FAM117B: variants seen among roughly 807,000 people sequenced by gnomAD.
The protein encoded by FAM117B is protein FAM117B.
A neutral mutation model predicts 52.8 loss-of-function variants in FAM117B; 22 were observed. The ratio of observed to expected loss-of-function variants is 0.42; its 90% confidence interval spans 0.30 to 0.59. The LOEUF is 0.59. Ranked by LOEUF, FAM117B falls within the 20% of genes least tolerant of loss-of-function variation. The probability of loss-of-function intolerance (pLI) is 0.22; values close to 1 mark genes in which losing one functional copy is unlikely to be tolerated. For missense variants in FAM117B, 678 were observed against 802.6 expected, an observed-to-expected ratio of 0.84 and a Z score of 1.88; for synonymous variants, 309 against 324.1, an observed-to-expected ratio of 0.95 and a Z score of 0.50.
At chr2:202,691,456 A>G (rs1690621453) in intron 1 of FAM117B, among the ~76,000 whole-genome samples, 1 of 151,588 alleles carries the variant, frequency 6.6e-6, no homozygotes, top group Non-Finnish European at 1.5e-5. Flanking sequence ...TAATTTTAAT[A>G]ATCTTTGGCG....
At chr2:202,714,749 G>A (rs996116246) in intron 2 of FAM117B, among the ~76,000 whole-genome samples, 5 of 152,012 alleles carry the variant, frequency 3.3e-5, no homozygotes, top group African/African-American at 1.2e-4. Context: ...CTAGCATGCT[G>A]CCTTCAAGCA....
chr2:202,740,981 C>T (rs1691525145), intron 4 of FAM117B, among the ~76,000 whole-genome samples: 1 of 151,692 alleles, frequency 6.6e-6, no homozygotes, highest in African/African-American at 2.4e-5. Flanking sequence ...CCTTAAGATC[C>T]CATGCTATTT....
At chr2:202,651,087 G>A (rs1689949167) in intron 1 of FAM117B, among the ~76,000 whole-genome samples, 1 of 138,212 alleles carries the variant, frequency 7.2e-6, no homozygotes, top group Non-Finnish European at 1.5e-5. Flanking sequence ...TTTTAAGACG[G>A]AATCTTGCTC....
At chr2:202,719,647 A>G (rs954569513) in intron 2 of FAM117B, among the ~76,000 whole-genome samples, 1 of 152,170 alleles carries the variant, frequency 6.6e-6, no homozygotes, top group African/African-American at 2.4e-5. Context: ...GAGATGTAAG[A>G]TTGATATAAT....
intron 1 of FAM117B, among the ~76,000 whole-genome samples, chr2:202,652,193 A>G (rs1384483535): frequency 1.3e-5 from 2 of 151,804 alleles, no homozygotes; most frequent in African/African-American, 4.8e-5. Flanking sequence ...CGACCTCCCT[A>G]GCTTAAGTGA....
intron 1 of FAM117B, among the ~76,000 whole-genome samples, chr2:202,675,848 G>A (rs1402994999): frequency 1.3e-5 from 2 of 152,012 alleles, no homozygotes; most frequent in African/African-American, 4.8e-5. Flanking sequence ...AGCCGGGTGT[G>A]GTGGCATGTG....
intron 2 of FAM117B, among the ~76,000 whole-genome samples, chr2:202,709,862 T>G (rs1386817540): frequency 6.6e-6 from 1 of 152,200 alleles, no homozygotes; most frequent in East Asian, 1.9e-4. Context: ...CATGAGGATA[T>G]TCAGTTTCCC....
At chr2:202,642,731 A>G (rs1008252475) in intron 1 of FAM117B, among the ~76,000 whole-genome samples, 1 of 152,198 alleles carries the variant, frequency 6.6e-6, no homozygotes, top group Non-Finnish European at 1.5e-5. Context: ...AGTTCAGTAA[A>G]CATTCATTTA....
intron 4 of FAM117B, among the ~76,000 whole-genome samples, chr2:202,735,523 T>G (rs968175629): frequency 6.6e-6 from 1 of 152,198 alleles, no homozygotes; most frequent in Non-Finnish European, 1.5e-5. Context: ...CAGGGGAGAT[T>G]ATTCATTAGG....
chr2:202,719,690 T>G (rs2105785230), intron 2 of FAM117B, among the ~76,000 whole-genome samples: 1 of 152,154 alleles, frequency 6.6e-6, no homozygotes, highest in Admixed American at 6.5e-5. Context: ...ATATTCCAAA[T>G]TTTTCAGTTG....
At chr2:202,640,197 G>T (rs1435143127) in intron 1 of FAM117B, among the ~76,000 whole-genome samples, 1 of 149,592 alleles carries the variant, frequency 6.7e-6, no homozygotes, top group Non-Finnish European at 1.5e-5. Flanking sequence ...CTTGAACCCA[G>T]AAGGTGGAGG....
intron 4 of FAM117B, among the ~76,000 whole-genome samples, chr2:202,738,946 C>T (rs1160575975): frequency 6.6e-6 from 1 of 152,062 alleles, no homozygotes; most frequent in African/African-American, 2.4e-5. Context: ...CCCAGCACTT[C>T]GGTAGGCTGA....
At chr2:202,655,657 A>G (rs1574543399) in intron 1 of FAM117B, among the ~76,000 whole-genome samples, 1 of 150,494 alleles carries the variant, frequency 6.6e-6, no homozygotes, top group East Asian at 2.0e-4. Context: ...TTGACTGCCA[A>G]AATTTCCCCA....
intron 2 of FAM117B, among the ~76,000 whole-genome samples, chr2:202,705,329 G>A (rs1175959236): frequency 1.3e-5 from 2 of 151,874 alleles, no homozygotes; most frequent in African/African-American, 4.8e-5. Context: ...AACAAAAAAA[G>A]TTAAGAACAT....
Position 202,766,904 on chromosome 2 carries a change from T to A in FAM117B, c.*1140T>A, listed in dbSNP as rs1438644648. ...AGTGATCCAAACTGTAGCCGCAGAA[T>A]CCTGTGACTGACATTTTTCTTTGTG... On this transcript the variant is annotated 3_prime_UTR_variant, in exon 8 of 8. Coordinates refer to ENST00000392238, the MANE Select transcript of FAM117B (RefSeq NM_173511.4). 5 of 152,564 alleles carry A rather than the reference T, an allele frequency of 3.3e-5. No homozygotes were observed. Among genetic ancestry groups the A allele is most frequent in the African/African-American group, 1.2e-4 (5 of 41,442 alleles). The allele number at this position is 152,564 out of a possible 1,614,324, so 9.5% of individuals were successfully genotyped here. A position where few individuals can be genotyped will look rare whatever the true frequency, so the allele number is the denominator to read the frequency against.
chr2:202,672,511 G>A (rs889533815), intron 1 of FAM117B, among the ~76,000 whole-genome samples: 1 of 152,134 alleles, frequency 6.6e-6, no homozygotes, highest in African/African-American at 2.4e-5. Flanking sequence ...ACTGCACCTG[G>A]CACTATTTTC....
chr2:202,765,472 C>T lies in FAM117B; in HGVS notation c.1478C>T (p.Ala493Val). The T allele has an allele frequency of 6.2e-7, 1 of 1,613,884 alleles. No individual in the cohort carries two copies. Among genetic ancestry groups the T allele is most frequent in the Non-Finnish European group, 8.5e-7 (1 of 1,179,988 alleles). The part of the protein sequence containing the change: ...CSPKQLHEIP[A>V]FYCPDKNKVN... ...CCAAAACAGCTTCATGAAATCCCAG[C>T]CTTTTATTGTCCTGACAAAAACAAG... The change falls in exon 8 of 8, where the codon GCC (alanine) becomes GTC (valine). Residue 493 changes from alanine (A) to valine (V), a missense_variant. By Grantham distance (64) the Ala-to-Val change is moderately conservative. Around this residue, in one of 3 missense-constraint regions of FAM117B, gnomAD observed 27 missense variants for 77.3 expected, o/e 0.35. Transcript: ENST00000392238.
chr2:202,744,143 A>T (rs1691593235), intron 4 of FAM117B, among the ~76,000 whole-genome samples: 1 of 149,844 alleles, frequency 6.7e-6, no homozygotes, highest in Non-Finnish European at 1.5e-5. Context: ...CATGTAAGAG[A>T]ATCCCCGTCT....
At chr2:202,642,011 C>T (rs1424677723) in intron 1 of FAM117B, among the ~76,000 whole-genome samples, 2 of 141,644 alleles carry the variant, frequency 1.4e-5, no homozygotes, top group African/African-American at 2.6e-5. Flanking sequence ...GGTGTGATCT[C>T]GGCTTACTGC....
Sources: gnomAD v4.1 joint callset for allele counts (sites outside exome capture counted in the v4.1 genomes callset) on GRCh38, gnomAD v4.1.1 for gene constraint, gnomAD v4.1.1 regional missense constraint, MANE v1.5 for transcripts, NCBI Gene and HGNC (gene_info 2026-07-23, HGNC 2026-07-21) for gene names.